The following FAM163A variants were observed in gnomAD, a reference collection of about 807,000 sequenced individuals.
FAM163A encodes the protein protein FAM163A.
FAM163A carries 7 observed loss-of-function variants against 12.0 expected under a neutral mutation model. The observed-to-expected ratio is 0.58, with a 90% CI of 0.33 to 1.10. The LOEUF (loss-of-function observed/expected upper bound fraction) is 1.10. Among genes scored for constraint, FAM163A ranks in the 50% least tolerant of loss-of-function variants. FAM163A has a pLI of 0.03. For synonymous variants in FAM163A, 101 were observed against 91.0 expected (o/e 1.11, Z -0.62); for missense variants, 202 against 218.6 (o/e 0.92, Z 0.48).
intron 1 of FAM163A, among the ~76,000 whole-genome samples, chr1:179,787,904 C>G (rs1486400100): frequency 1.3e-5 from 2 of 152,160 alleles, no homozygotes; most frequent in Non-Finnish European, 2.9e-5. Flanking sequence ...ATAGAGACAC[C>G]CTGGGTCTGG....
chr1:179,813,277 T>TCAGGGCCCA (rs1694954296), intron 4 of FAM163A, 87 bp downstream of exon 4: 1 of 1,267,458 alleles, frequency 7.9e-7, no homozygotes, highest in Admixed American at 2.0e-5. Flanking sequence ...GAGGCCGACT[T>TCAGGGCCCA]CAGGGCCCAC....
chr1:179,765,222 G>A (rs1043733734), intron 1 of FAM163A, among the ~76,000 whole-genome samples: 39 of 152,230 alleles, frequency 2.6e-4, no homozygotes, highest in African/African-American at 8.9e-4. Flanking sequence ...GATGGCAGGC[G>A]GGTGGGATGT....
chr1:179,740,677 T>C (rs1683530614), upstream of FAM163A, among the ~76,000 whole-genome samples: 1 of 152,158 alleles, frequency 6.6e-6, no homozygotes, highest in African/African-American at 2.4e-5. Context: ...AATCACAAAA[T>C]GTACCATTTT....
At position 179,769,476 on chromosome 1, in the gene FAM163A, A is replaced by G. The variant is rs998869707; in HGVS notation, c.-136+26053A>G. The stretch of plus-strand genomic sequence containing the variant: ...GTTTGAATCTTAAAAAACTCTTTTC[A>G]TCTTACATTTGGATAGGTCACACCT... On this transcript the variant is annotated intron_variant, in intron 1 of 4. Coordinates refer to ENST00000341785, the MANE Select transcript of FAM163A (RefSeq NM_173509.3). Among the ~76,000 whole-genome samples the G allele has an allele frequency of 3.9e-5, 6 of 152,202 alleles. No homozygotes were observed. In the East Asian group the frequency reaches 7.7e-4, roughly 19 times the overall value.
intron 1 of FAM163A, among the ~76,000 whole-genome samples, chr1:179,779,727 T>A (rs1212748891): frequency 6.6e-6 from 1 of 152,198 alleles, no homozygotes; most frequent in Non-Finnish European, 1.5e-5. Flanking sequence ...TTTATGTTGT[T>A]TTCAAGTGGC....
intron 1 of FAM163A, among the ~76,000 whole-genome samples, chr1:179,800,705 G>A (rs977504034): frequency 6.6e-6 from 1 of 152,130 alleles, no homozygotes; most frequent in Non-Finnish European, 1.5e-5. Flanking sequence ...ATTTTCCTTA[G>A]CGCTCAGTAA....
the FAM163A span, among the ~76,000 whole-genome samples, chr1:179,737,776 A>G: frequency 6.6e-6 from 1 of 151,992 alleles, no homozygotes; most frequent in East Asian, 1.9e-4. Context: ...CAGAGCTTGC[A>G]GAGAGTGGAG....
chr1:179,809,743 C>G (rs1297412893), intron 2 of FAM163A, among the ~76,000 whole-genome samples: 1 of 152,170 alleles, frequency 6.6e-6, no homozygotes, highest in Non-Finnish European at 1.5e-5. Flanking sequence ...TGCTGCCTCC[C>G]CAGCTTCAGG....
At chr1:179,762,431 C>G (rs952987848) in intron 1 of FAM163A, among the ~76,000 whole-genome samples, 1 of 152,118 alleles carries the variant, frequency 6.6e-6, no homozygotes, top group Admixed American at 6.5e-5. Flanking sequence ...CTCCTATGCA[C>G]AAGGCTAGAT....
intron 1 of FAM163A, among the ~76,000 whole-genome samples, chr1:179,771,422 C>T (rs1355852855): frequency 6.6e-6 from 1 of 152,212 alleles, no homozygotes; most frequent in South Asian, 2.1e-4. Flanking sequence ...CTCTCCTTTG[C>T]AGAGTTTCCA....
chr1:179,746,916 C>T (rs1346394902), intron 1 of FAM163A, among the ~76,000 whole-genome samples: 1 of 152,100 alleles, frequency 6.6e-6, no homozygotes, highest in Non-Finnish European at 1.5e-5. Flanking sequence ...CTTTGGACAG[C>T]AGGCTCTCTG....
In FAM163A at chr1:179,792,017, G is replaced by A. The variant is rs573118301; in HGVS notation, c.-135-15781G>A. Among the ~76,000 whole-genome samples, 36 of 152,328 alleles carry A rather than the reference G, an allele frequency of 2.4e-4. No individual in the cohort carries two copies. The East Asian group carries it at 6.7e-3, about 29-fold the overall frequency. On this transcript the variant is annotated intron_variant, in intron 1 of 4. Coordinates refer to ENST00000341785, the MANE Select transcript of FAM163A (RefSeq NM_173509.3). The stretch of plus-strand genomic sequence containing the variant: ...CTGCCAGGCAATGGAGTATAGAGAT[G>A]AATGAACTTTGACTCATGGAGACCA...
chr1:179,803,962 C>G lies in FAM163A; in HGVS notation c.-135-3836C>G, dbSNP rs946413976. 6.1e-5 allele frequency: 9 copies of G among 147,102 alleles called. No homozygotes were observed. In the East Asian group the frequency reaches 1.8e-3, roughly 30 times the overall value. The allele number at this position is 147,102 out of a possible 1,614,324, so 9.1% of individuals were successfully genotyped here. On this transcript the variant is annotated intron_variant, in intron 1 of 4. Transcript: ENST00000341785. ...CTTAGGCTTCCCCCTCCTCCTGCCCCCTGGCCTGCTTGCCTCCAGGCCAGG... is the reference window on the plus strand; with the variant it reads ...CTTAGGCTTCCCCCTCCTCCTGCCCGCTGGCCTGCTTGCCTCCAGGCCAGG...
At chr1:179,785,557 GA>G (rs1557942966) in intron 1 of FAM163A, among the ~76,000 whole-genome samples, 1 of 152,144 alleles carries the variant, frequency 6.6e-6, no homozygotes, top group African/African-American at 2.4e-5. Context: ...GGGGAGTGGG[GA>G]GGGGGTCATA....
chr1:179,783,734 TTGAGCCCAA>T (rs1690140613), intron 1 of FAM163A, among the ~76,000 whole-genome samples: 2 of 63,632 alleles, frequency 3.1e-5, no homozygotes, highest in African/African-American at 3.7e-4. Context: ...TTTTATATAA[TTGAGCCCAA>T]ATATTATATA....
chr1:179,766,101 G>A (rs980795089), intron 1 of FAM163A, among the ~76,000 whole-genome samples: 15 of 152,118 alleles, frequency 9.9e-5, no homozygotes, highest in African/African-American at 3.6e-4. Flanking sequence ...AGAAGCACAA[G>A]TTTTTCTCTG....
intron 1 of FAM163A, among the ~76,000 whole-genome samples, chr1:179,773,020 T>C (rs1688477083): frequency 6.7e-6 from 1 of 148,186 alleles, no homozygotes; most frequent in African/African-American, 2.5e-5. Context: ...CAGAATTTGG[T>C]CACATGGCCA....
intron 1 of FAM163A, among the ~76,000 whole-genome samples, chr1:179,766,976 G>A (rs961641794): frequency 3.9e-5 from 6 of 151,972 alleles, no homozygotes; most frequent in Admixed American, 1.3e-4. Flanking sequence ...GGCTGGTCTC[G>A]AGCTCCTGAC....
At chr1:179,763,174 C>T (rs1282100810) in intron 1 of FAM163A, among the ~76,000 whole-genome samples, 1 of 152,188 alleles carries the variant, frequency 6.6e-6, no homozygotes, top group East Asian at 1.9e-4. Context: ...AGATGTAAGC[C>T]TGCTCCATTA....
Sources: allele counts gnomAD v4.1 joint callset (sites outside exome capture counted in the v4.1 genomes callset), GRCh38; gene constraint gnomAD v4.1.1; transcripts MANE v1.5; gene names NCBI Gene and HGNC (gene_info 2026-07-23, HGNC 2026-07-21).